Variants in WDR70 observed in about 807,000 individuals in gnomAD.
WDR70 encodes the protein WD repeat-containing protein 70.
A neutral mutation model predicts 88.6 loss-of-function variants in WDR70; 53 were observed. That is an observed-to-expected ratio of 0.60 (90% CI 0.48 to 0.75). The LOEUF is 0.75. Ranked by LOEUF, WDR70 falls within the 30% of genes least tolerant of loss-of-function variation. The pLI is 0.00. For synonymous variants in WDR70, 280 were observed against 270.0 expected (o/e 1.04, Z -0.36); for missense variants, 610 against 823.2 (o/e 0.74, Z 3.17).
chr5:37,675,146 G>T (rs1235753688), intron 10 of WDR70, among the ~76,000 whole-genome samples: 2 of 152,058 alleles, frequency 1.3e-5, no homozygotes, highest in Non-Finnish European at 2.9e-5. Context: ...CTTTGTCAGA[G>T]GAGTAGGTTG....
At chr5:37,735,398 G>C (rs1748277200) in intron 17 of WDR70, among the ~76,000 whole-genome samples, 1 of 152,122 alleles carries the variant, frequency 6.6e-6, no homozygotes, top group Non-Finnish European at 1.5e-5. Context: ...TTACATGTGA[G>C]GAGGCTGTAG....
Position 37,721,313 on chromosome 5 carries a change from A to C in WDR70, c.1517+98A>C, listed in dbSNP as rs147880789. ...TTTTATTTATTTCCCACTTTGATGGAGATCCACCCATTTAGAAAATGCAGC... is the reference window on the plus strand; with the variant it reads ...TTTTATTTATTTCCCACTTTGATGGCGATCCACCCATTTAGAAAATGCAGC... On this transcript the variant is annotated intron_variant, in intron 14 of 17. Coordinates refer to ENST00000265107, the MANE Select transcript of WDR70 (RefSeq NM_018034.4). The C allele has an allele frequency of 9.4e-4, 981 of 1,039,774 alleles. 14 individuals carry two copies. The Middle Eastern group carries it at 0.033, about 35-fold the overall frequency. 64.4% of individuals were successfully genotyped at this position (1,039,774 alleles called of 1,614,324 possible).
chr5:37,542,295 T>G (rs1402811144), intron 9 of WDR70, among the ~76,000 whole-genome samples: 15 of 151,140 alleles, frequency 9.9e-5, no homozygotes, highest in African/African-American at 2.7e-4. Flanking sequence ...TTTTTTTTTT[T>G]GGGACAAAGA....
At chr5:37,455,366 T>G (rs1268318221) in intron 7 of WDR70, among the ~76,000 whole-genome samples, 1 of 151,502 alleles carries the variant, frequency 6.6e-6, no homozygotes, top group Non-Finnish European at 1.5e-5. Context: ...TGCCTCAGCC[T>G]GCTGAGGAGC....
At chr5:37,414,414 T>C (rs1749629105) in intron 5 of WDR70, among the ~76,000 whole-genome samples, 1 of 152,158 alleles carries the variant, frequency 6.6e-6, no homozygotes, top group Non-Finnish European at 1.5e-5. Context: ...TTCACATGGC[T>C]CCCTTATTTT....
intron 5 of WDR70, among the ~76,000 whole-genome samples, chr5:37,426,666 CT>C (rs1750133639): frequency 6.6e-6 from 1 of 152,144 alleles, no homozygotes. Flanking sequence ...AGACTTCTTA[CT>C]TGATGATTCT....
intron 7 of WDR70, among the ~76,000 whole-genome samples, chr5:37,448,475 C>A (rs562069786): frequency 6.6e-6 from 1 of 151,988 alleles, no homozygotes; most frequent in Non-Finnish European, 1.5e-5. Flanking sequence ...AATATAGACG[C>A]GTATGTATTC....
intron 3 of WDR70, among the ~76,000 whole-genome samples, chr5:37,382,581 T>A (rs1748461740): frequency 6.6e-6 from 1 of 152,088 alleles, no homozygotes. Context: ...CCAGCTAATT[T>A]TTGTATTTTT....
At position 37,635,104 on chromosome 5, in the gene WDR70, C is replaced by G. The variant is rs181536030; in HGVS notation, c.1092+29866C>G. 9.1e-4 allele frequency among the ~76,000 whole-genome samples: 139 copies of G among 152,166 alleles called. 1 individual carries two copies. In the East Asian group the frequency reaches 0.015, roughly 16 times the overall value. On this transcript the variant is annotated intron_variant, in intron 10 of 17. Coordinates refer to ENST00000265107, the MANE Select transcript of WDR70 (RefSeq NM_018034.4). Reference sequence around the variant, plus strand: ...TTCCCTTGTCTTTTCATGCCTTGACCCTGTGCCTCTTTTACCTATATTACT... The same window carrying G: ...TTCCCTTGTCTTTTCATGCCTTGACGCTGTGCCTCTTTTACCTATATTACT...
At chr5:37,466,733 A>ATT (rs1739163284) in intron 7 of WDR70, among the ~76,000 whole-genome samples, 1 of 113,674 alleles carries the variant, frequency 8.8e-6, no homozygotes, top group Non-Finnish European at 1.9e-5. Flanking sequence ...AAAAAAAAAA[A>ATT]AAATTTAAGT....
In WDR70 at chr5:37,719,748, G is replaced by C. The variant is rs146356923; in HGVS notation, c.1417-1367G>C. On this transcript the variant is annotated intron_variant, in intron 13 of 17. Transcript: ENST00000265107. ...CCTCTGGAATCTCAGGTAAGGGTTTGCAGCCATTTACCTATTTTTTTTTGG... is the reference window on the plus strand; with the variant it reads ...CCTCTGGAATCTCAGGTAAGGGTTTCCAGCCATTTACCTATTTTTTTTTGG... Among the ~76,000 whole-genome samples the C allele has an allele frequency of 4.7e-3, 709 of 151,424 alleles. 12 individuals are homozygous for C. The highest frequency in any genetic ancestry group is 0.017 in the African/African-American group (685 of 40,950).
At position 37,614,595 on chromosome 5, in the gene WDR70, A is replaced by G. The variant is rs1744278883; in HGVS notation, c.1092+9357A>G. Among the ~76,000 whole-genome samples, 3 of 152,220 alleles carry G rather than the reference A, an allele frequency of 2.0e-5. 1 individual carries two copies. The highest frequency in any genetic ancestry group is 4.1e-4 in the South Asian group (2 of 4,828). On this transcript the variant is annotated intron_variant, in intron 10 of 17. Coordinates refer to ENST00000265107, the MANE Select transcript of WDR70 (RefSeq NM_018034.4). ...AATTTCAGTGTCCATAAATTTTATT[A>G]TAACAGCCTTGCTCATTCATTTGTA... is the stretch of plus-strand genomic sequence containing the variant.
Position 37,488,502 on chromosome 5 carries a change from C to CTT in WDR70, c.840+8528_840+8529dup, listed in dbSNP as rs113142236. Reference sequence around the variant, plus strand: ...TTTCTTTATTCTTTTTTGTTCTTTACTTTTTTTTTTTTTTGTCTAACTGGA... The same window carrying CTT: ...TTTCTTTATTCTTTTTTGTTCTTTACTTTTTTTTTTTTTTTTGTCTAACTGGA... On this transcript the variant is annotated intron_variant, in intron 8 of 17. Transcript: ENST00000265107. Among the ~76,000 whole-genome samples, 356 of 137,496 alleles carry CTT rather than the reference C, an allele frequency of 2.6e-3. 9 individuals carry two copies. The highest frequency in any genetic ancestry group is 6.8e-3 in the African/African-American group (257 of 37,618). The allele number at this position is 137,496 out of a possible 152,430, so 90.2% of individuals were successfully genotyped here.
chr5:37,463,919 C>T (rs1739086229), intron 7 of WDR70, among the ~76,000 whole-genome samples: 1 of 152,154 alleles, frequency 6.6e-6, no homozygotes, highest in Non-Finnish European at 1.5e-5. Context: ...ACAGAGAGTA[C>T]ATGACAAACA....
chr5:37,725,631 C>T lies in WDR70; in HGVS notation c.1714+581C>T, dbSNP rs374069779. 2.9e-4 allele frequency among the ~76,000 whole-genome samples: 44 copies of T among 152,194 alleles called. 2 individuals are homozygous for T. The South Asian group carries it at 8.9e-3, about 31-fold the overall frequency. ...CTGTGTAGTTTCTATTTGGTCTGCTCCTTCAGCATAGAAAACATTTTGCAT... is the reference window on the plus strand; with the variant it reads ...CTGTGTAGTTTCTATTTGGTCTGCTTCTTCAGCATAGAAAACATTTTGCAT... On this transcript the variant is annotated intron_variant, in intron 16 of 17. Transcript: ENST00000265107.
intron 10 of WDR70, among the ~76,000 whole-genome samples, chr5:37,674,885 C>T (rs1229139617): frequency 6.6e-6 from 1 of 151,842 alleles, no homozygotes; most frequent in Admixed American, 6.6e-5. Flanking sequence ...TACATCCTCT[C>T]CAGCACCTGT....
At chr5:37,721,241 A>G (rs1747805923) in intron 14 of WDR70, 26 bp downstream of exon 14, 2 of 1,600,680 alleles carry the variant, frequency 1.2e-6, no homozygotes, top group Non-Finnish European at 8.6e-7. Flanking sequence ...TGCCTGTTTT[A>G]GATGGATGAC....
At chr5:37,563,660 C>G (rs1581397107) in intron 9 of WDR70, among the ~76,000 whole-genome samples, 1 of 142 alleles carries the variant, frequency 7.0e-3, no homozygotes, top group Non-Finnish European at 0.022. Flanking sequence ...GGGGGCTGAC[C>G]CCCCCCCACC....
At chr5:37,535,125 G>C (rs536190489) in intron 9 of WDR70, among the ~76,000 whole-genome samples, 4 of 152,170 alleles carry the variant, frequency 2.6e-5, no homozygotes, top group African/African-American at 9.6e-5. Flanking sequence ...AGTTTCTCTA[G>C]TAGTAAGTGT....
Sources: gnomAD v4.1 joint callset for allele counts (sites outside exome capture counted in the v4.1 genomes callset) on GRCh38, gnomAD v4.1.1 for gene constraint, MANE v1.5 for transcripts, NCBI Gene and HGNC (gene_info 2026-07-23, HGNC 2026-07-21) for gene names.